The following AGR3 variants were observed in gnomAD, a reference collection of about 807,000 sequenced individuals.
AGR3 encodes the protein anterior gradient protein 3.
A neutral mutation model predicts 24.5 loss-of-function variants in AGR3; 37 were observed. That is an observed-to-expected ratio of 1.51 (90% CI 1.16 to 1.99). The LOEUF is 1.99. Among genes scored for constraint, AGR3 ranks in the 30% most tolerant of loss-of-function variants. The pLI is 0.00. For synonymous variants in AGR3, 75 were observed against 61.6 expected (o/e 1.22, Z -1.02); for missense variants, 228 against 191.1 (o/e 1.19, Z -1.14).
At chr7:16,877,063 A>G (rs1781998014) in intron 2 of AGR3, among the ~76,000 whole-genome samples, 1 of 151,910 alleles carries the variant, frequency 6.6e-6, no homozygotes, top group African/African-American at 2.4e-5. Flanking sequence ...GACTTTCTGT[A>G]TATATAGATT....
rs550049087 is a variant in AGR3, at chr7:16,876,134, T to C, written c.110-2291A>G. Among the ~76,000 whole-genome samples the C allele has an allele frequency of 7.2e-5, 11 of 152,302 alleles. No individual in the cohort carries two copies. In the South Asian group the frequency reaches 2.1e-3, roughly 29 times the overall value. ...AATATAATCCCTATTCTCAACAAATTGTCCATAGCTCTGTAGAAAAGCCAT... is the reference window on the plus strand; with the variant it reads ...AATATAATCCCTATTCTCAACAAATCGTCCATAGCTCTGTAGAAAAGCCAT... On this transcript the variant is annotated intron_variant, in intron 2 of 7. Coordinates refer to ENST00000310398, the MANE Select transcript of AGR3 (RefSeq NM_176813.5).
At chr7:16,868,277 T>A (rs1781799482) in intron 3 of AGR3, among the ~76,000 whole-genome samples, 1 of 152,076 alleles carries the variant, frequency 6.6e-6, no homozygotes, top group Non-Finnish European at 1.5e-5. Context: ...TGCCTCAGAC[T>A]CCCGAGTAGC....
At chr7:16,855,521 G>A (rs915061654), downstream of AGR3, among the ~76,000 whole-genome samples, 1 of 152,106 alleles carries the variant, frequency 6.6e-6, no homozygotes, top group Non-Finnish European at 1.5e-5. Flanking sequence ...CAATTCTGTC[G>A]CCCTCCTAAC....
intron 1 of AGR3, among the ~76,000 whole-genome samples, chr7:16,880,135 T>C (rs1431217475): frequency 7.5e-6 from 1 of 133,168 alleles, no homozygotes; most frequent in Non-Finnish European, 1.7e-5. Context: ...TTCCTCTTTC[T>C]CTCTCTCTTT....
intron 3 of AGR3, among the ~76,000 whole-genome samples, chr7:16,871,514 G>GA (rs1267326321): frequency 6.6e-6 from 1 of 151,866 alleles, no homozygotes; most frequent in African/African-American, 2.4e-5. Context: ...CAAACTAGCT[G>GA]AAAAAAAGAA....
At chr7:16,855,995 A>G (rs1026642665), downstream of AGR3, among the ~76,000 whole-genome samples, 9 of 152,112 alleles carry the variant, frequency 5.9e-5, no homozygotes, top group Non-Finnish European at 8.8e-5. Flanking sequence ...GGTAAAATAC[A>G]TTCTCCTTTC....
intron 3 of AGR3, among the ~76,000 whole-genome samples, chr7:16,866,701 A>G (rs902459452): frequency 2.6e-5 from 4 of 152,170 alleles, no homozygotes; most frequent in African/African-American, 9.6e-5. Flanking sequence ...AAAATAGTCA[A>G]TCTTATATGT....
chr7:16,871,733 T>C (rs1238796017), intron 3 of AGR3, among the ~76,000 whole-genome samples: 3 of 152,018 alleles, frequency 2.0e-5, no homozygotes, highest in Admixed American at 2.0e-4. Context: ...TCCCAGCTAC[T>C]CAGGAGGCTG....
At chr7:16,873,049 C>T (rs1781914949) in intron 3 of AGR3, among the ~76,000 whole-genome samples, 1 of 152,100 alleles carries the variant, frequency 6.6e-6, no homozygotes, top group South Asian at 2.1e-4. Context: ...AGAGGATTCT[C>T]AGAAAACTAA....
chr7:16,864,505 G>A, intron 3 of AGR3: 1 of 1,264,274 alleles, frequency 7.9e-7, no homozygotes, highest in Non-Finnish European at 1.2e-6. Context: ...TTCCCTGTCA[G>A]TCAGGGCTTC....
At chr7:16,876,632 T>C (rs1261789703) in intron 2 of AGR3, among the ~76,000 whole-genome samples, 2 of 152,174 alleles carry the variant, frequency 1.3e-5, no homozygotes, top group Non-Finnish European at 2.9e-5. Flanking sequence ...TTATCTCCCA[T>C]GTAGCAATAG....
rs113417036 is a variant in AGR3 at position 16,864,450 on chromosome 7, G to A, written c.174-1788C>T. 1.5e-3 allele frequency: 1,910 copies of A among 1,298,870 alleles called. 28 individuals are homozygous for A. In the African/African-American group the frequency reaches 0.025, roughly 17 times the overall value. 80.5% of individuals were successfully genotyped at this position (1,298,870 alleles called of 1,614,324 possible). A position where few individuals can be genotyped will look rare whatever the true frequency, so the allele number is the denominator to read the frequency against. ...GAGATTCCTCTGCAGAATGTCCTCC[G>A]TTAAGCTGGGCTTCATCTCCACTGT... is the stretch of plus-strand genomic sequence containing the variant. On this transcript the variant is annotated intron_variant, in intron 3 of 7. Transcript: ENST00000310398.
chr7:16,869,373 G>A (rs1781821619), intron 3 of AGR3, among the ~76,000 whole-genome samples: 1 of 151,654 alleles, frequency 6.6e-6, no homozygotes, highest in South Asian at 2.1e-4. Flanking sequence ...GTTTTGTTTT[G>A]TTTCCATTTA....
rs772345151 is a variant in AGR3 at position 16,878,655 on chromosome 7, A to C, written c.-27-10T>G. ...ACTCTCTCAGAAGAAGCTAGATGACAGAAAGGAATTCTCAGAATCCAGTGA... is the reference window on the plus strand; with the variant it reads ...ACTCTCTCAGAAGAAGCTAGATGACCGAAAGGAATTCTCAGAATCCAGTGA... On this transcript the variant is annotated splice_polypyrimidine_tract_variant and intron_variant, in intron 1 of 7. Coordinates refer to ENST00000310398, the MANE Select transcript of AGR3 (RefSeq NM_176813.5). 2 of 1,556,082 alleles carry C rather than the reference A, an allele frequency of 1.3e-6. No homozygotes were observed. Among genetic ancestry groups the C allele is most frequent in the East Asian group, 2.2e-5 (1 of 44,540 alleles).
intron 5 of AGR3, 124 bp from the exon 6 acceptor site, chr7:16,861,571 T>G: frequency 1.4e-6 from 1 of 739,676 alleles, no homozygotes; most frequent in Non-Finnish European, 2.2e-6. Context: ...CAACTTTCTG[T>G]ATTAACCAAT....
At chr7:16,855,973 G>C (rs765464568), downstream of AGR3, among the ~76,000 whole-genome samples, 22 of 135,192 alleles carry the variant, frequency 1.6e-4, no homozygotes, top group Non-Finnish European at 3.2e-4. Flanking sequence ...TTATCATGTT[G>C]TTTTCCATGA....
chr7:16,855,875 C>G (rs574891501), downstream of AGR3, among the ~76,000 whole-genome samples: 1 of 152,242 alleles, frequency 6.6e-6, no homozygotes, highest in East Asian at 1.9e-4. Context: ...AAGATCCTAC[C>G]AAGAAAACTT....
intron 3 of AGR3, chr7:16,873,559 T>C (rs375317604): frequency 2.0e-5 from 10 of 507,346 alleles, no homozygotes; most frequent in South Asian, 1.5e-4. Context: ...CAGTTAACAA[T>C]AGTTTATTGT....
intron 7 of AGR3, among the ~76,000 whole-genome samples, chr7:16,859,969 G>T (rs1781609174): frequency 6.6e-6 from 1 of 151,852 alleles, no homozygotes; most frequent in Non-Finnish European, 1.5e-5. Context: ...GTAAAAAATA[G>T]ATTTGGCCAG....
Sources: allele counts gnomAD v4.1 joint callset (sites outside exome capture counted in the v4.1 genomes callset), GRCh38; gene constraint gnomAD v4.1.1; transcripts MANE v1.5; gene names NCBI Gene and HGNC (gene_info 2026-07-23, HGNC 2026-07-21).